The following SOX6 variants were observed in gnomAD, a reference collection of about 807,000 sequenced individuals.
The protein encoded by SOX6 is transcription factor SOX-6.
Under a neutral mutation model 97.8 loss-of-function variants are expected in SOX6, and 11 were observed. That is an observed-to-expected ratio of 0.11 (90% confidence interval 0.07 to 0.19). The LOEUF is 0.19. Ranked by LOEUF, SOX6 falls within the 10% of genes least tolerant of loss-of-function variation. SOX6 has a pLI of 1.00. For synonymous variants in SOX6, 360 were observed against 371.4 expected (o/e 0.97, Z 0.35); for missense variants, 810 against 1,039.5 (o/e 0.78, Z 3.04).
At chr11:16,332,876 C>T (rs1347743415) in intron 2 of SOX6, among the ~76,000 whole-genome samples, 1 of 152,144 alleles carries the variant, frequency 6.6e-6, no homozygotes, top group Non-Finnish European at 1.5e-5. Flanking sequence ...GGTTATGCTT[C>T]TCCTGGAAAG....
chr11:16,191,299 T>G (rs1189825638), intron 4 of SOX6, among the ~76,000 whole-genome samples: 1 of 151,962 alleles, frequency 6.6e-6, no homozygotes, highest in Admixed American at 6.6e-5. Flanking sequence ...TCCAAAAATT[T>G]TTTTGTAAAA....
intron 12 of SOX6, among the ~76,000 whole-genome samples, chr11:16,022,329 T>TTC (rs1564911599): frequency 6.8e-6 from 1 of 146,558 alleles, no homozygotes; most frequent in East Asian, 2.1e-4. Context: ...CTTCCTTCCT[T>TTC]CTTTCCTTCC....
At chr11:16,097,493 T>C (rs1848829834) in intron 8 of SOX6, 116 bp downstream of exon 8, 3 of 862,054 alleles carry the variant, frequency 3.5e-6, no homozygotes, top group East Asian at 2.7e-5. Context: ...TTAATCCTTC[T>C]GGGCTATGCT....
intron 1 of SOX6, among the ~76,000 whole-genome samples, chr11:16,399,741 C>T (rs1380466047): frequency 6.6e-6 from 1 of 151,342 alleles, no homozygotes; most frequent in Non-Finnish European, 1.5e-5. Flanking sequence ...ATACTGGTGA[C>T]ATTTCTCATC....
intron 1 of SOX6, among the ~76,000 whole-genome samples, chr11:16,440,267 T>A (rs987821802): frequency 6.6e-6 from 1 of 152,202 alleles, no homozygotes; most frequent in African/African-American, 2.4e-5. Context: ...CACACTGGAA[T>A]AATTAGAACA....
chr11:16,131,935 C>T (rs1849750749), intron 6 of SOX6, among the ~76,000 whole-genome samples: 1 of 151,814 alleles, frequency 6.6e-6, no homozygotes, highest in South Asian at 2.1e-4. Flanking sequence ...GCAGAGGACA[C>T]AAGGAAACTC....
intron 12 of SOX6, among the ~76,000 whole-genome samples, chr11:16,045,948 G>A (rs1855815219): frequency 6.6e-6 from 1 of 152,122 alleles, no homozygotes; most frequent in South Asian, 2.1e-4. Flanking sequence ...ATAAGCTCTA[G>A]GAAAGCAGGT....
chr11:16,559,007 A>G (rs996105040), intron 4 of SOX6, among the ~76,000 whole-genome samples: 1 of 152,068 alleles, frequency 6.6e-6, no homozygotes, highest in African/African-American at 2.4e-5. Context: ...CTTTTTAGAA[A>G]GTAACAACAA....
At chr11:16,412,757 G>C (rs1008260916) in intron 1 of SOX6, among the ~76,000 whole-genome samples, 1 of 152,170 alleles carries the variant, frequency 6.6e-6, no homozygotes, top group Non-Finnish European at 1.5e-5. Context: ...TCTCAGGCAG[G>C]CTCTCCCCTT....
At chr11:16,102,899 T>A (rs1165170106) in intron 7 of SOX6, among the ~76,000 whole-genome samples, 1 of 152,010 alleles carries the variant, frequency 6.6e-6, no homozygotes, top group Non-Finnish European at 1.5e-5. Flanking sequence ...GACTTAAATC[T>A]AAGACCTGAA....
At chr11:16,644,393 C>T (rs1035279205) in intron 3 of SOX6, among the ~76,000 whole-genome samples, 14 of 152,272 alleles carry the variant, frequency 9.2e-5, no homozygotes, top group Admixed American at 2.6e-4. Context: ...CACCTAGCAA[C>T]AAAGTAGGCT....
At chr11:16,676,836 C>T (rs1255473507) in intron 3 of SOX6, among the ~76,000 whole-genome samples, 2 of 152,008 alleles carry the variant, frequency 1.3e-5, no homozygotes, top group Non-Finnish European at 2.9e-5. Context: ...TTCCTGCTTA[C>T]ACAGATCCTA....
chr11:16,554,546 C>T (rs1351639441), intron 4 of SOX6, among the ~76,000 whole-genome samples: 2 of 152,124 alleles, frequency 1.3e-5, no homozygotes, highest in Non-Finnish European at 2.9e-5. Context: ...AAAGCAGCAA[C>T]TGTGGCAGCT....
At chr11:16,138,028 T>A (rs1012070990) in intron 6 of SOX6, among the ~76,000 whole-genome samples, 1 of 152,238 alleles carries the variant, frequency 6.6e-6, no homozygotes, top group Non-Finnish European at 1.5e-5. Flanking sequence ...CATAGCAGCA[T>A]GAGAAGAGAC....
At chr11:16,624,494 G>T (rs1848595548) in intron 3 of SOX6, among the ~76,000 whole-genome samples, 1 of 152,022 alleles carries the variant, frequency 6.6e-6, no homozygotes, top group Non-Finnish European at 1.5e-5. Flanking sequence ...ATTTTGAGTA[G>T]TATCCCATTC....
chr11:16,236,205 A>G (rs1853015844), intron 3 of SOX6, among the ~76,000 whole-genome samples: 1 of 152,050 alleles, frequency 6.6e-6, no homozygotes, highest in Admixed American at 6.6e-5. Context: ...GTGATGTTCC[A>G]ATGGAGCCTA....
chr11:16,287,579 TC>T (rs1401226662), intron 3 of SOX6, among the ~76,000 whole-genome samples: 1 of 152,028 alleles, frequency 6.6e-6, no homozygotes, highest in African/African-American at 2.4e-5. Context: ...TTACTCCAGC[TC>T]CCCATTTACC....
intron 3 of SOX6, among the ~76,000 whole-genome samples, chr11:16,257,929 G>T (rs1378149691): frequency 6.6e-6 from 1 of 151,892 alleles, no homozygotes; most frequent in Non-Finnish European, 1.5e-5. Context: ...ATACACAGAT[G>T]CAAGTAAACA....
At chr11:16,441,547 G>C (rs1859502686) in intron 1 of SOX6, among the ~76,000 whole-genome samples, 1 of 152,042 alleles carries the variant, frequency 6.6e-6, no homozygotes, top group Admixed American at 6.5e-5. Flanking sequence ...AATTATCAAA[G>C]CAATTTATAT....
Sources: gnomAD v4.1 joint callset for allele counts (sites outside exome capture counted in the v4.1 genomes callset) on GRCh38, gnomAD v4.1.1 for gene constraint, MANE v1.5 for transcripts, NCBI Gene and HGNC (gene_info 2026-07-23, HGNC 2026-07-21) for gene names.